The following LARP1 variants were observed in gnomAD, a reference collection of about 807,000 sequenced individuals.
LARP1 encodes la-related protein 1.
LARP1 carries 36 observed loss-of-function variants against 122.7 expected under a neutral mutation model. The observed-to-expected ratio is 0.29, with a 90% CI of 0.22 to 0.39. The LOEUF is 0.39. LARP1 is among the 10% of genes least tolerant of loss of function. The pLI is 1.00. For synonymous variants in LARP1, 539 were observed against 528.7 expected (o/e 1.02, Z -0.27); for missense variants, 1,040 against 1,403.6 (o/e 0.74, Z 4.14).
chr5:154,756,016 C>G lies in LARP1; in HGVS notation c.259C>G (p.Pro87Ala). 9.7e-7 allele frequency: 1 copy of G among 1,031,758 alleles called. No homozygotes were observed. Among genetic ancestry groups the G allele is most frequent in the East Asian group, 1.1e-4 (1 of 9,410 alleles). The allele number at this position is 1,031,758 out of a possible 1,614,324, so 63.9% of individuals were successfully genotyped here. A position where few individuals can be genotyped will look rare whatever the true frequency, so the allele number is the denominator to read the frequency against. Residue 87 changes from proline (P) to alanine (A), a missense_variant, in exon 1 of 19, where the codon CCG (proline) becomes GCG (alanine). By Grantham distance (27) the Pro-to-Ala change is conservative. Around this residue, in one of 8 missense-constraint regions of LARP1, gnomAD observed 257 missense variants for 273.3 expected, o/e 0.94. Coordinates refer to ENST00000518297, the MANE Select transcript of LARP1 (RefSeq NM_033551.3). ...RPLQLPGAEG[P>A]AISDGEEGGG... is the part of the protein sequence containing the mutation. ...GCTGCAGCTGCCCGGCGCCGAAGGC[C>G]CGGCCATCAGCGACGGGGAGGAGGG... is the stretch of plus-strand genomic sequence containing the variant.
rs897582531 is a variant in LARP1, at chr5:154,799,664, C to T, written c.1451C>T (p.Pro484Leu). 6.2e-7 allele frequency: 1 copy of T among 1,614,204 alleles called. No homozygotes were observed. The highest frequency in any genetic ancestry group is 8.5e-7 in the Non-Finnish European group (1 of 1,180,026). The part of the protein sequence containing the change: ...VRRREEPEKW[P>L]LPPIVDYSQT... ...AGGAGGGAGGAACCAGAAAAGTGGC[C>T]TCTTCCCCCAATAGTGGATTATTCA... The change falls in exon 9 of 19, where the codon CCT (proline) becomes CTT (leucine). Residue 484 changes from proline (P) to leucine (L), a missense_variant. Pro to Leu is a moderately conservative substitution (Grantham distance 98, BLOSUM62 -3). Coordinates refer to ENST00000518297, the MANE Select transcript of LARP1 (RefSeq NM_033551.3).
intron 1 of LARP1, among the ~76,000 whole-genome samples, chr5:154,722,982 C>T (rs1172842865): frequency 6.6e-6 from 1 of 152,160 alleles, no homozygotes; most frequent in African/African-American, 2.4e-5. Context: ...CACCCAGCCT[C>T]TTTCCTAGGT....
At chr5:154,755,219 C>G (rs1191342314), upstream of LARP1, among the ~76,000 whole-genome samples, 4 of 142,134 alleles carry the variant, frequency 2.8e-5, no homozygotes, top group Non-Finnish European at 3.1e-5. Flanking sequence ...CGCGCCGTCC[C>G]GCCGCCTCCT....
intron 1 of LARP1, among the ~76,000 whole-genome samples, chr5:154,763,138 G>A (rs1019778670): frequency 1.4e-4 from 20 of 146,578 alleles, no homozygotes; most frequent in African/African-American, 4.3e-4. Flanking sequence ...TCAGCTCACC[G>A]CAACCTATGC....
chr5:154,774,049 A>ATTTTTTT (rs543076767), intron 1 of LARP1, among the ~76,000 whole-genome samples: 1 of 142,848 alleles, frequency 7.0e-6, no homozygotes. Context: ...GCCTGGCTTC[A>ATTTTTTT]TTTTTTTTTT....
At chr5:154,795,671 T>C (rs930105237) in intron 8 of LARP1, among the ~76,000 whole-genome samples, 9 of 151,264 alleles carry the variant, frequency 5.9e-5, no homozygotes, top group Non-Finnish European at 1.0e-4. Context: ...TTCACAAATA[T>C]TTCAGTATAG....
At chr5:154,759,548 T>C (rs1216938905) in intron 1 of LARP1, among the ~76,000 whole-genome samples, 3 of 152,204 alleles carry the variant, frequency 2.0e-5, no homozygotes, top group Admixed American at 2.0e-4. Context: ...TTGCCTTTTG[T>C]AAAGATTTTC....
At chr5:154,763,613 C>T (rs758688541) in intron 1 of LARP1, among the ~76,000 whole-genome samples, 7 of 151,802 alleles carry the variant, frequency 4.6e-5, no homozygotes, top group Non-Finnish European at 8.8e-5. Flanking sequence ...CCACAGTACT[C>T]CAGCCTGGGC....
chr5:154,732,831 A>G (rs1211168409), intron 1 of LARP1, among the ~76,000 whole-genome samples: 1 of 152,210 alleles, frequency 6.6e-6, no homozygotes. Context: ...ATGTCTGCAT[A>G]TGAAGTGTTA....
chr5:154,805,642 A>G, intron 14 of LARP1: 2 of 456,494 alleles, frequency 4.4e-6, no homozygotes, highest in East Asian at 3.6e-5. Context: ...TAGTCTTATG[A>G]CCCTGGATGA....
intron 18 of LARP1, among the ~76,000 whole-genome samples, chr5:154,812,515 CCCA>C (rs1561639229): frequency 3.7e-5 from 3 of 80,748 alleles, no homozygotes; most frequent in African/African-American, 5.0e-5. Context: ...GCCCCCCCCC[CCCA>C]CCCCCCCTTT....
intron 1 of LARP1, among the ~76,000 whole-genome samples, chr5:154,742,247 G>A (rs1308207025): frequency 6.6e-6 from 1 of 152,074 alleles, no homozygotes; most frequent in African/African-American, 2.4e-5. Flanking sequence ...GCAACATGAC[G>A]AAACCCTTTC....
In LARP1 at chr5:154,755,986, C is replaced by A; in HGVS notation, c.229C>A (p.Arg77=). Residue 77 remains arginine, a synonymous_variant, in exon 1 of 19, where the codon CGG becomes AGG. Coordinates refer to ENST00000518297, the MANE Select transcript of LARP1 (RefSeq NM_033551.3). The part of the protein sequence containing the change: ...GTGQQERESP[R]PLQLPGAEGP... ...CGGGCAGCAGGAGCGCGAGAGCCCG[C>A]GGCCGCTGCAGCTGCCCGGCGCCGA... 9.9e-7 allele frequency: 1 copy of A among 1,006,054 alleles called. No individual in the cohort carries two copies. The highest frequency in any genetic ancestry group is 1.2e-6 in the Non-Finnish European group (1 of 845,492). 62.3% of individuals were successfully genotyped at this position (1,006,054 alleles called of 1,614,324 possible). A position where few individuals can be genotyped will look rare whatever the true frequency, so the allele number is the denominator to read the frequency against.
chr5:154,722,030 G>C (rs1194229299), intron 1 of LARP1, among the ~76,000 whole-genome samples: 1 of 152,088 alleles, frequency 6.6e-6, no homozygotes, highest in Non-Finnish European at 1.5e-5. Context: ...CATTATCTTT[G>C]GCCTTCATTT....
intron 1 of LARP1, among the ~76,000 whole-genome samples, chr5:154,758,349 T>C (rs575856203): frequency 6.6e-5 from 10 of 152,334 alleles, no homozygotes; most frequent in Non-Finnish European, 1.2e-4. Context: ...AGATTTGCTC[T>C]GTTATTGTTT....
At chr5:154,788,615 C>T (rs571110396) in intron 1 of LARP1, among the ~76,000 whole-genome samples, 2 of 152,114 alleles carry the variant, frequency 1.3e-5, no homozygotes, top group African/African-American at 4.8e-5. Flanking sequence ...GTGAGCAGAG[C>T]CACAGGATGT....
chr5:154,794,741 A>C (rs1757611868), intron 7 of LARP1, among the ~76,000 whole-genome samples: 2 of 152,248 alleles, frequency 1.3e-5, no homozygotes, highest in Admixed American at 6.5e-5. Flanking sequence ...TAAGTAACAA[A>C]GCACAGATTT....
chr5:154,795,566 G>GTATC (rs898643310), intron 8 of LARP1, among the ~76,000 whole-genome samples: 6 of 151,816 alleles, frequency 4.0e-5, no homozygotes, highest in Non-Finnish European at 8.8e-5. Context: ...GCTTCGGCAG[G>GTATC]TATCAGTTTA....
At chr5:154,719,678 A>G (rs962352273) in intron 1 of LARP1, among the ~76,000 whole-genome samples, 1 of 151,910 alleles carries the variant, frequency 6.6e-6, no homozygotes, top group Admixed American at 6.6e-5. Flanking sequence ...CCTGACCAAC[A>G]TGGTGAAACC....
Sources: allele counts gnomAD v4.1 joint callset (sites outside exome capture counted in the v4.1 genomes callset), GRCh38; gene constraint gnomAD v4.1.1; regional missense constraint gnomAD v4.1.1; transcripts MANE v1.5; gene names NCBI Gene and HGNC (gene_info 2026-07-23, HGNC 2026-07-21).